The following FAM3C variants were observed in gnomAD, a reference collection of about 807,000 sequenced individuals.
FAM3C encodes FAM3 metabolism regulating signaling molecule C.
FAM3C carries 15 observed loss-of-function variants against 32.5 expected under a neutral mutation model. That is an observed-to-expected ratio of 0.46 (90% confidence interval 0.31 to 0.71). The LOEUF (loss-of-function observed/expected upper bound fraction) is 0.71. Among genes scored for constraint, FAM3C ranks in the 30% least tolerant of loss-of-function variants. The pLI is 0.05. For missense variants in FAM3C, 175 were observed against 274.4 expected (o/e 0.64, Z 2.56); for synonymous variants, 75 against 86.1 (o/e 0.87, Z 0.72).
In FAM3C at chr7:121,390,853, CGGGGGGGGG is replaced by C. The variant is rs58750532; in HGVS notation, c.-42+5300_-42+5308del. 4.6e-3 allele frequency among the ~76,000 whole-genome samples: 34 copies of C among 7,462 alleles called. 4 individuals are homozygous for C. The South Asian group carries it at 0.11, about 24-fold the overall frequency. The allele number at this position is 7,462 out of a possible 152,430, so 4.9% of individuals were successfully genotyped here. A position where few individuals can be genotyped will look rare whatever the true frequency, so the allele number is the denominator to read the frequency against. The stretch of plus-strand genomic sequence containing the variant: ...CACACACAGGAAAGGCTGTGTGGGG[CGGGGGGGGG>C]GGGGGGGGGGAAGGTAAGGCAGATC... On this transcript the variant is annotated intron_variant, in intron 1 of 9. Transcript: ENST00000359943.
chr7:121,378,918 T>C lies in FAM3C; in HGVS notation c.110A>G (p.Asn37Ser). 6.8e-7 allele frequency: 1 copy of C among 1,471,736 alleles called. No homozygotes were observed. The allele number at this position is 1,471,736 out of a possible 1,614,324, so 91.2% of individuals were successfully genotyped here. A position where few individuals can be genotyped will look rare whatever the true frequency, so the allele number is the denominator to read the frequency against. The change falls in exon 3 of 10, where the codon AAT becomes AGT. Residue 37 changes from asparagine (N) to serine (S), a missense_variant. Physicochemically the swap from Asn to Ser is conservative, Grantham distance 46. Coordinates refer to ENST00000359943, the MANE Select transcript of FAM3C (RefSeq NM_014888.3). ...AAAAAAATAAAACTTACCAAATAGA[T>C]TTCCTAAACTTGCATCCATTTTTAT... ...FEIKMDASLG[N>S]LFARSALDTA...
intron 8 of FAM3C, among the ~76,000 whole-genome samples, chr7:121,358,427 A>T (rs1191961136): frequency 6.6e-6 from 1 of 152,106 alleles, no homozygotes; most frequent in East Asian, 1.9e-4. Context: ...AGTCATCTGA[A>T]GAAAAGTCAG....
intron 1 of FAM3C, among the ~76,000 whole-genome samples, chr7:121,390,848 T>G (rs1260405725): frequency 2.0e-3 from 3 of 1,504 alleles, no homozygotes; most frequent in African/African-American, 5.7e-3. Flanking sequence ...AAAGGCTGTG[T>G]GGGGCGGGGG....
At chr7:121,395,793 C>T (rs536823344) in intron 1 of FAM3C, among the ~76,000 whole-genome samples, 1 of 152,224 alleles carries the variant, frequency 6.6e-6, no homozygotes, top group South Asian at 2.1e-4. Flanking sequence ...AGCTCTCAGC[C>T]TACACGCTGC....
chr7:121,375,729 T>C (rs1794227992), intron 3 of FAM3C, among the ~76,000 whole-genome samples: 1 of 152,186 alleles, frequency 6.6e-6, no homozygotes, highest in African/African-American at 2.4e-5. Flanking sequence ...TCACCCAGCC[T>C]TCTCTTCAAT....
rs919304046 is a variant in FAM3C, at chr7:121,371,017, T to C, written c.272+283A>G. 3.3e-5 allele frequency among the ~76,000 whole-genome samples: 5 copies of C among 152,328 alleles called. 1 individual carries two copies. The highest frequency in any genetic ancestry group is 4.8e-5 in the African/African-American group (2 of 41,566). Reference sequence around the variant, plus strand: ...AAATTAAATAGCCACATGTGTTCTGTTGCTAGCAAATGGGACAGTGCAGAT... The same window carrying C: ...AAATTAAATAGCCACATGTGTTCTGCTGCTAGCAAATGGGACAGTGCAGAT... On this transcript the variant is annotated intron_variant, in intron 5 of 9. Transcript: ENST00000359943.
In FAM3C at chr7:121,373,982, C is replaced by T. The variant is rs372311595; in HGVS notation, c.119-1843G>A. Among the ~76,000 whole-genome samples, 32 of 134,822 alleles carry T rather than the reference C, an allele frequency of 2.4e-4. No individual in the cohort carries two copies. In the East Asian group the frequency reaches 4.5e-3, roughly 19 times the overall value. The allele number at this position is 134,822 out of a possible 152,430, so 88.4% of individuals were successfully genotyped here. ...CTGCTCTCCAGCCTGGGCGACAGAG[C>T]AAGACTCCGTCTCAAAAAAAAAAAA... On this transcript the variant is annotated intron_variant, in intron 3 of 9. Transcript: ENST00000359943.
At chr7:121,384,249 T>C (rs1157778461) in intron 1 of FAM3C, among the ~76,000 whole-genome samples, 1 of 152,162 alleles carries the variant, frequency 6.6e-6, no homozygotes, top group African/African-American at 2.4e-5. Flanking sequence ...TTCCACGTAA[T>C]AGAAAAAGTC....
chr7:121,390,752 A>C (rs531900505), intron 1 of FAM3C, among the ~76,000 whole-genome samples: 27 of 148,948 alleles, frequency 1.8e-4, no homozygotes, highest in Admixed American at 6.8e-4. Context: ...AAGCTCTTGC[A>C]TGTTTAATAA....
intron 1 of FAM3C, among the ~76,000 whole-genome samples, chr7:121,385,989 CT>C (rs1283832293): frequency 6.6e-6 from 1 of 152,058 alleles, no homozygotes; most frequent in Non-Finnish European, 1.5e-5. Flanking sequence ...TTCCTTTTCA[CT>C]CCAGCTGTTC....
intron 4 of FAM3C, among the ~76,000 whole-genome samples, chr7:121,371,718 TCTAA>T (rs1023822783): frequency 8.5e-5 from 13 of 152,170 alleles, no homozygotes; most frequent in Non-Finnish European, 1.6e-4. Context: ...ATATATTTTA[TCTAA>T]CTATGAGTTT....
intron 2 of FAM3C, among the ~76,000 whole-genome samples, chr7:121,381,656 C>CCACACACACACACACACACA (rs67277678): frequency 7.0e-6 from 1 of 142,240 alleles, no homozygotes; most frequent in African/African-American, 2.6e-5. Flanking sequence ...CAAAGAACAT[C>CCACACACACACACACACACA]CACACACACA....
At chr7:121,385,663 T>C (rs2116957076) in intron 1 of FAM3C, among the ~76,000 whole-genome samples, 1 of 152,268 alleles carries the variant, frequency 6.6e-6, no homozygotes, top group Admixed American at 6.5e-5. Context: ...CAGAGTAAAA[T>C]CAAAGGTCAA....
intron 3 of FAM3C, 142 bp from the exon 4 acceptor site, chr7:121,372,281 G>C (rs551569333): frequency 3.6e-6 from 2 of 548,268 alleles, no homozygotes; most frequent in South Asian, 6.5e-5. Flanking sequence ...TTAAGAAAAA[G>C]TGAGAAAGTA....
chr7:121,394,674 C>T (rs1157049782), intron 1 of FAM3C, among the ~76,000 whole-genome samples: 1 of 152,146 alleles, frequency 6.6e-6, no homozygotes, highest in African/African-American at 2.4e-5. Flanking sequence ...ATCTGTGAAA[C>T]AAAGCTTCTA....
chr7:121,366,627 G>A (rs980035839), intron 5 of FAM3C, among the ~76,000 whole-genome samples: 3 of 152,082 alleles, frequency 2.0e-5, no homozygotes, highest in African/African-American at 7.2e-5. Context: ...AATTGACTGT[G>A]GCAGAGATTG....
In FAM3C at chr7:121,371,600, T is replaced by A. The variant is rs563946188; in HGVS notation, c.149-177A>T. On this transcript the variant is annotated intron_variant, in intron 4 of 9. Coordinates refer to ENST00000359943, the MANE Select transcript of FAM3C (RefSeq NM_014888.3). The stretch of plus-strand genomic sequence containing the variant: ...TTCAAAGAACCTCAAAAAATTTTTT[T>A]AAAAAAAAACAGCAACAAAGAAACC... 2.0e-3 allele frequency among the ~76,000 whole-genome samples: 307 copies of A among 151,150 alleles called. 1 individual carries two copies. Among genetic ancestry groups the A allele is most frequent in the African/African-American group, 5.5e-3 (227 of 41,206 alleles).
At chr7:121,354,432 A>G (rs1348043614) in intron 8 of FAM3C, among the ~76,000 whole-genome samples, 1 of 152,216 alleles carries the variant, frequency 6.6e-6, no homozygotes, top group African/African-American at 2.4e-5. Flanking sequence ...CTAGAAGACA[A>G]TCTAATGCTG....
chr7:121,386,543 C>T (rs1794467177), intron 1 of FAM3C, among the ~76,000 whole-genome samples: 1 of 151,684 alleles, frequency 6.6e-6, no homozygotes, highest in Non-Finnish European at 1.5e-5. Flanking sequence ...TGAGCCAATC[C>T]CTTATAATAA....
Sources: gnomAD v4.1 joint callset for allele counts (sites outside exome capture counted in the v4.1 genomes callset) on GRCh38, gnomAD v4.1.1 for gene constraint, MANE v1.5 for transcripts, NCBI Gene and HGNC (gene_info 2026-07-23, HGNC 2026-07-21) for gene names.